Variants in PXDN observed in about 807,000 individuals in gnomAD.
PXDN encodes the protein peroxidasin homolog.
A neutral mutation model predicts 140.3 loss-of-function variants in PXDN; 77 were observed. That is an observed-to-expected ratio of 0.55 (90% CI 0.46 to 0.66). PXDN has a LOEUF of 0.66. PXDN is among the 30% of genes least tolerant of loss of function. PXDN has a pLI of 0.00. For synonymous variants in PXDN, 911 were observed against 857.4 expected (o/e 1.06, Z -1.09); for missense variants, 1,838 against 2,039.5 (o/e 0.90, Z 1.90).
chr2:1,721,971 C>T (rs1223109419), intron 1 of PXDN, among the ~76,000 whole-genome samples: 1 of 151,978 alleles, frequency 6.6e-6, no homozygotes, highest in African/African-American at 2.4e-5. Flanking sequence ...CCCACATACA[C>T]ATCACTTGTT....
At chr2:1,665,897 A>G (rs1348578044) in intron 10 of PXDN, among the ~76,000 whole-genome samples, 6 of 152,182 alleles carry the variant, frequency 3.9e-5, no homozygotes, top group Admixed American at 6.5e-5. Context: ...GCACATGTGC[A>G]TGCATGTGTG....
At chr2:1,675,675 C>T (rs1331292586) in intron 8 of PXDN, among the ~76,000 whole-genome samples, 5 of 152,176 alleles carry the variant, frequency 3.3e-5, no homozygotes, top group East Asian at 1.9e-4. Flanking sequence ...CTGGGGATGG[C>T]CAGCTCCCTG....
At position 1,660,817 on chromosome 2, in the gene PXDN, C is replaced by T. The variant is rs1265153415; in HGVS notation, c.1837+64G>A. 1.3e-6 allele frequency: 2 copies of T among 1,554,940 alleles called. No homozygotes were observed. Among genetic ancestry groups the T allele is most frequent in the East Asian group, 2.3e-5 (1 of 44,282 alleles). ...CTAAGTCAACTGGCCTGGGACCACA[C>T]TAGGGACCTGCGGGCTTTCTTTGTG... On this transcript the variant is annotated intron_variant, in intron 14 of 22. Transcript: ENST00000252804. The surrounding 1 kb of genome is among the most constrained non-coding windows in gnomAD (Gnocchi z 4.6).
chr2:1,675,387 G>C (rs143938103), intron 8 of PXDN, among the ~76,000 whole-genome samples: 2 of 152,302 alleles, frequency 1.3e-5, no homozygotes, highest in African/African-American at 4.8e-5. Flanking sequence ...AGGTGTGATG[G>C]ACTGGGGCCA....
At position 1,638,789 on chromosome 2, in the gene PXDN, G is replaced by C. The variant is rs1682638189; in HGVS notation, c.4206+57C>G. On this transcript the variant is annotated intron_variant, in intron 21 of 22. Coordinates refer to ENST00000252804, the MANE Select transcript of PXDN (RefSeq NM_012293.3). ...ATGCTATACCCAGAAGGTTCGGGCA[G>C]GGCTGTGCTGCTGTGGAATCTTGGA... The C allele has an allele frequency of 3.1e-6, 5 of 1,609,844 alleles. No individual in the cohort carries two copies. The South Asian group carries it at 4.4e-5, about 14-fold the overall frequency.
rs1381759732 is a variant in PXDN, at chr2:1,648,596, A to G, written c.3184T>C (p.Phe1062Leu). The G allele has an allele frequency of 6.2e-7, 1 of 1,610,292 alleles. No individual in the cohort carries two copies. The highest frequency in any genetic ancestry group is 8.5e-7 in the Non-Finnish European group (1 of 1,178,938). Residue 1062 changes from phenylalanine (F) to leucine (L), a missense_variant, in exon 17 of 23, where the codon TTC becomes CTC. Physicochemically the swap from Phe to Leu is conservative, Grantham distance 22 (BLOSUM62 0). Transcript: ENST00000252804. The surrounding 1 kb of genome is among the most constrained non-coding windows in gnomAD (Gnocchi z 8.9). The part of the protein sequence containing the change: ...GYDPGINAGI[F>L]NAFATAAFRF... ...AAGGCCGCGGTGGCGAAGGCGTTGAAGATGCCAGCATTGATGCCGGGGTCG... is the reference window on the plus strand; with the variant it reads ...AAGGCCGCGGTGGCGAAGGCGTTGAGGATGCCAGCATTGATGCCGGGGTCG...
At chr2:1,642,808 G>A (rs551124285) in intron 19 of PXDN, among the ~76,000 whole-genome samples, 2 of 152,340 alleles carry the variant, frequency 1.3e-5, no homozygotes, top group African/African-American at 2.4e-5. Flanking sequence ...TCCAGGGCAC[G>A]AGTGCCGGGG....
chr2:1,678,992 TA>T lies in PXDN; in HGVS notation c.730+1200del, dbSNP rs997355357. 4.0e-3 allele frequency among the ~76,000 whole-genome samples: 593 copies of T among 146,674 alleles called. 3 individuals are homozygous for T. The highest frequency in any genetic ancestry group is 0.014 in the African/African-American group (561 of 40,210). On this transcript the variant is annotated intron_variant, in intron 7 of 22. Coordinates refer to ENST00000252804, the MANE Select transcript of PXDN (RefSeq NM_012293.3). The stretch of plus-strand genomic sequence containing the variant: ...AGCAAGAACTGAGCTAGAAGAAACT[TA>T]AAAAAAAAAACTGTGTATTTTTGTC...
intron 1 of PXDN, among the ~76,000 whole-genome samples, chr2:1,723,095 A>G (rs1685091476): frequency 6.6e-6 from 1 of 151,966 alleles, no homozygotes; most frequent in Non-Finnish European, 1.5e-5. Flanking sequence ...TAGATGGATG[A>G]GTGGTTATGG....
intron 1 of PXDN, among the ~76,000 whole-genome samples, chr2:1,698,483 A>G (rs1339381476): frequency 6.6e-6 from 1 of 152,190 alleles, no homozygotes; most frequent in Admixed American, 6.6e-5. Flanking sequence ...AAGGTGGCTG[A>G]CTGAGGGAAG....
intron 1 of PXDN, among the ~76,000 whole-genome samples, chr2:1,721,608 G>A (rs1991165): frequency 0.48 from 72,802 of 151,998 alleles, 18,436 homozygotes; most frequent in Admixed American, 0.63. Flanking sequence ...AGGCCGAGGC[G>A]GGCGGATCAC....
rs1682946330 is a variant in PXDN, at chr2:1,649,181, A to T, written c.2599T>A (p.Ser867Thr). The change falls in exon 17 of 23, where the codon TCC becomes ACC. Residue 867 changes from serine to threonine, a missense_variant. Ser to Thr is a moderately conservative substitution (Grantham distance 58, BLOSUM62 1). Transcript: ENST00000252804. The surrounding 1 kb of genome is among the most constrained non-coding windows in gnomAD (Gnocchi z 7.1). ...CFSVMIPPND[S>T]RARSGARCMF... ...CAGCGGGCCCCGCTCCTGGCCCGGG[A>T]GTCATTGGGGGGGATCATGACAGAG... The T allele has an allele frequency of 6.3e-7, 1 of 1,585,966 alleles. No individual in the cohort carries two copies. The highest frequency in any genetic ancestry group is 1.7e-5 in the Admixed American group (1 of 59,008).
intron 16 of PXDN, among the ~76,000 whole-genome samples, chr2:1,652,802 C>T (rs969661449): frequency 6.6e-6 from 1 of 152,172 alleles, no homozygotes; most frequent in African/African-American, 2.4e-5. Flanking sequence ...TTCATTTAAC[C>T]ATTGAAGAAC....
rs758033356 is a variant in PXDN at position 1,710,150 on chromosome 2, C to T, written c.201-17016G>A. Among the ~76,000 whole-genome samples the T allele has an allele frequency of 3.9e-5, 6 of 152,264 alleles. No homozygotes were observed. The South Asian group carries it at 1.0e-3, about 26-fold the overall frequency. The stretch of plus-strand genomic sequence containing the variant: ...CTTTCGGTACATCCCATCTGTGATG[C>T]GTGTTAATATACTTATGAAACAGGT... On this transcript the variant is annotated intron_variant, in intron 1 of 22. Coordinates refer to ENST00000252804, the MANE Select transcript of PXDN (RefSeq NM_012293.3).
At chr2:1,668,691 GA>G (rs923762551) in intron 9 of PXDN, among the ~76,000 whole-genome samples, 4 of 151,284 alleles carry the variant, frequency 2.6e-5, no homozygotes, top group African/African-American at 7.3e-5. Context: ...ACAAACATAT[GA>G]AAAAAAAGCT....
At position 1,648,816 on chromosome 2, in the gene PXDN, G is replaced by T; in HGVS notation, c.2964C>A (p.His988Gln). 1 of 1,602,434 alleles carries T rather than the reference G, an allele frequency of 6.2e-7. No homozygotes were observed. The highest frequency in any genetic ancestry group is 8.5e-7 in the Non-Finnish European group (1 of 1,176,114). ...ANEQLGLTSM[H>Q]TLWFREHNRI... ...GGTTGTGCTCGCGGAACCACAGCGT[G>T]TGCATGCTGGTCAGGCCCAGCTGCT... The change falls in exon 17 of 23, where the codon CAC becomes CAA. Residue 988 changes from histidine (H) to glutamine (Q), a missense_variant. By Grantham distance (24) the His-to-Gln change is conservative. Coordinates refer to ENST00000252804, the MANE Select transcript of PXDN (RefSeq NM_012293.3). This position sits in a 1 kb window ranked among gnomAD's most constrained non-coding sequence, Gnocchi z 8.9.
Position 1,648,947 on chromosome 2 carries a change from C to A in PXDN, c.2833G>T (p.Gly945Trp), listed in dbSNP as rs749397182. The stretch of plus-strand genomic sequence containing the variant: ...GTGGCGAAGGGGAGCAGCGGCTTCC[C>A]GGACCGCTGCACGATGCCCTGCCGC... ...LLRQGIVQRS[G>W]KPLLPFATGP... The change falls in exon 17 of 23, where the codon GGG becomes TGG. Residue 945 changes from glycine to tryptophan, a missense_variant. This residue lies in a region of PXDN where 850 missense variants were observed against 894.1 expected (regional missense o/e 0.95). Transcript: ENST00000252804. This position sits in a 1 kb window ranked among gnomAD's most constrained non-coding sequence, Gnocchi z 8.9. 1 of 1,603,630 alleles carries A rather than the reference C, an allele frequency of 6.2e-7. No homozygotes were observed. Among genetic ancestry groups the A allele is most frequent in the South Asian group, 1.1e-5 (1 of 90,638 alleles).
chr2:1,661,278 T>G (rs1262036128), intron 13 of PXDN, among the ~76,000 whole-genome samples: 1 of 152,140 alleles, frequency 6.6e-6, no homozygotes, highest in Non-Finnish European at 1.5e-5. Flanking sequence ...CTTGACAGCT[T>G]GAGGCAAGGA....
intron 1 of PXDN, among the ~76,000 whole-genome samples, chr2:1,693,443 G>T (rs1285410697): frequency 3.9e-5 from 6 of 152,194 alleles, no homozygotes; most frequent in Non-Finnish European, 7.3e-5. Context: ...TAAGTCTTAG[G>T]ATAATAAACA....
Sources: gnomAD v4.1 joint callset for allele counts (sites outside exome capture counted in the v4.1 genomes callset) on GRCh38, gnomAD v4.1.1 for gene constraint, gnomAD v4.1.1 regional missense constraint, Gnocchi (gnomAD v3.1) non-coding constraint, MANE v1.5 for transcripts, NCBI Gene and HGNC (gene_info 2026-07-23, HGNC 2026-07-21) for gene names.